WNT10B: variants seen among roughly 807,000 people sequenced by gnomAD.
WNT10B encodes the protein Wnt family member 10B.
A neutral mutation model predicts 32.7 loss-of-function variants in WNT10B; 26 were observed. That is an observed-to-expected ratio of 0.79 (90% confidence interval 0.58 to 1.10). WNT10B has a LOEUF of 1.10. WNT10B is among the 50% of genes least tolerant of loss of function. WNT10B has a pLI of 0.00. For missense variants in WNT10B, 474 were observed against 532.5 expected (o/e 0.89, Z 1.08); for synonymous variants, 204 against 220.4 (o/e 0.93, Z 0.66).
At chr12:48,969,842 A>T (rs1301766016) in intron 3 of WNT10B, among the ~76,000 whole-genome samples, 1 of 151,452 alleles carries the variant, frequency 6.6e-6, no homozygotes, top group Non-Finnish European at 1.5e-5. Context: ...GAGGCAGGAA[A>T]GGGGGGCCCT....
chr12:48,970,238 A>G lies in WNT10B; in HGVS notation c.188T>C (p.Leu63Pro). Reference sequence around the variant, plus strand: ...GGACGCCGTCACGTCGGGGTTGCGCAGGCACAGGCCTAGCTGCCGCTTGCT... The same window carrying G: ...GGACGCCGTCACGTCGGGGTTGCGCGGGCACAGGCCTAGCTGCCGCTTGCT... ...GLSKRQLGLCLRNPDVTASAL... is the reference protein window; with the variant it reads ...GLSKRQLGLCPRNPDVTASAL... The change falls in exon 3 of 5, where the codon CTG becomes CCG. Residue 63 changes from leucine to proline, a missense_variant. Transcript: ENST00000301061. The surrounding 1 kb of genome is among the most constrained non-coding windows in gnomAD (Gnocchi z 5.0). The G allele has an allele frequency of 6.2e-7, 1 of 1,609,808 alleles. No individual in the cohort carries two copies. The highest frequency in any genetic ancestry group is 8.5e-7 in the Non-Finnish European group (1 of 1,178,352).
rs150714190 is a variant in WNT10B at position 48,967,958 on chromosome 12, C to T, written c.699G>A (p.Arg233=). 3 of 1,614,096 alleles carry T rather than the reference C, an allele frequency of 1.9e-6. No homozygotes were observed. The highest frequency in any genetic ancestry group is 2.5e-6 in the Non-Finnish European group (3 of 1,180,052). Residue 233 remains arginine (R), a synonymous_variant, in exon 4 of 5, where the codon AGG becomes AGA. Coordinates refer to ENST00000301061, the MANE Select transcript of WNT10B (RefSeq NM_003394.4). ...TGTACACACATACCTGGCGCCCCAC[C>T]CTGTTGTTGTGGATTCGCATTCGTG... ...IQARMRIHNN[R]VGRQVVTENL...
At position 48,970,371 on chromosome 12, in the gene WNT10B, C is replaced by G; in HGVS notation, c.75-20G>C. 2 of 1,614,126 alleles carry G rather than the reference C, an allele frequency of 1.2e-6. No homozygotes were observed. Among genetic ancestry groups the G allele is most frequent in the South Asian group, 2.2e-5 (2 of 91,090 alleles). On this transcript the variant is annotated intron_variant, in intron 2 of 4. Coordinates refer to ENST00000301061, the MANE Select transcript of WNT10B (RefSeq NM_003394.4). This position sits in a 1 kb window ranked among gnomAD's most constrained non-coding sequence, Gnocchi z 5.0. ...AGAGCCCTGGGAACCAAGAAGGCGT[C>G]TGGGGTCTGCGGTCCAGACCCCTCC...
chr12:48,967,908 A>G, intron 4 of WNT10B, 38 bp downstream of exon 4: 2 of 1,609,618 alleles, frequency 1.2e-6, no homozygotes, highest in Non-Finnish European at 1.7e-6. Context: ...CCAGGCCTCA[A>G]AAGCTGGGGA....
Position 48,966,469 on chromosome 12 carries a change from G to T in WNT10B, c.796C>A (p.Pro266Thr). ...CQFKTCWRAA[P>T]EFRAVGAALR... is the part of the protein sequence containing the mutation. ...GCCGCCCCCACTGCCCGGAACTCTG[G>T]GGCCGCCCTCCAGCATGTCTTGAAC... The change falls in exon 5 of 5, where the codon CCA becomes ACA. Residue 266 changes from proline (P) to threonine (T), a missense_variant. Physicochemically the swap from Pro to Thr is conservative, Grantham distance 38. Coordinates refer to ENST00000301061, the MANE Select transcript of WNT10B (RefSeq NM_003394.4). The T allele has an allele frequency of 6.2e-7, 1 of 1,614,092 alleles. No individual in the cohort carries two copies. The highest frequency in any genetic ancestry group is 8.5e-7 in the Non-Finnish European group (1 of 1,180,038).
At position 48,970,202 on chromosome 12, in the gene WNT10B, C is replaced by T. The variant is rs1260089406; in HGVS notation, c.224G>A (p.Gly75Asp). The change falls in exon 3 of 5, where the codon GGT (glycine) becomes GAT (aspartate). Residue 75 changes from glycine (G) to aspartate (D), a missense_variant. Physicochemically the swap from Gly to Asp is moderately conservative, Grantham distance 94. Transcript: ENST00000301061. The surrounding 1 kb of genome is among the most constrained non-coding windows in gnomAD (Gnocchi z 5.0). ...ACACTCGTGGACCGCGATGTGCAGA[C>T]CCTGAAGCGCGGACGCCGTCACGTC... ...NPDVTASALQ[G>D]LHIAVHECQH... 6.3e-7 allele frequency: 1 copy of T among 1,588,844 alleles called. No individual in the cohort carries two copies. The highest frequency in any genetic ancestry group is 1.1e-5 in the South Asian group (1 of 87,986).
rs1473257897 is a variant in WNT10B at position 48,965,555 on chromosome 12, A to T, written c.*540T>A. 6 of 155,080 alleles carry T rather than the reference A, an allele frequency of 3.9e-5. No individual in the cohort carries two copies. Among genetic ancestry groups the T allele is most frequent in the Non-Finnish European group, 8.6e-5 (6 of 69,634 alleles). The allele number at this position is 155,080 out of a possible 1,614,324, so 9.6% of individuals were successfully genotyped here. A position where few individuals can be genotyped will look rare whatever the true frequency, so the allele number is the denominator to read the frequency against. On this transcript the variant is annotated 3_prime_UTR_variant, in exon 5 of 5. Coordinates refer to ENST00000301061, the MANE Select transcript of WNT10B (RefSeq NM_003394.4). Reference sequence around the variant, plus strand: ...AGACAACTCTCTGAGGATTCAGGGGAGAGTGCCCCTCAGCACTCTGTCTCT... The same window carrying T: ...AGACAACTCTCTGAGGATTCAGGGGTGAGTGCCCCTCAGCACTCTGTCTCT...
chr12:48,971,696 G>C lies in WNT10B; in HGVS notation c.-282C>G, dbSNP rs913193226. 2.6e-5 allele frequency: 4 copies of C among 152,120 alleles called. No individual in the cohort carries two copies. The highest frequency in any genetic ancestry group is 9.7e-5 in the African/African-American group (4 of 41,384). The allele number at this position is 152,120 out of a possible 1,614,324, so 9.4% of individuals were successfully genotyped here. A position where few individuals can be genotyped will look rare whatever the true frequency, so the allele number is the denominator to read the frequency against. On this transcript the variant is annotated 5_prime_UTR_variant, in exon 1 of 5. Coordinates refer to ENST00000301061, the MANE Select transcript of WNT10B (RefSeq NM_003394.4). ...TAGCAAGCCGGCGAGCAAAGGACTG[G>C]GGGCTCTGGCTTTGCTCTCACCGAG...
Position 48,971,583 on chromosome 12 carries a change from C to G in WNT10B, c.-169G>C, listed in dbSNP as rs1159635463. The G allele has an allele frequency of 3.3e-5, 5 of 152,426 alleles. No homozygotes were observed. The highest frequency in any genetic ancestry group is 7.3e-5 in the Non-Finnish European group (5 of 68,332). 9.4% of individuals were successfully genotyped at this position (152,426 alleles called of 1,614,324 possible). A position where few individuals can be genotyped will look rare whatever the true frequency, so the allele number is the denominator to read the frequency against. On this transcript the variant is annotated 5_prime_UTR_variant, in exon 1 of 5. Transcript: ENST00000301061. The stretch of plus-strand genomic sequence containing the variant: ...TTGTCAGAGCCGCATTCTTCCAGGG[C>G]CGGGCCACTCCTCTTCACCGCTTCC...
In WNT10B at chr12:48,970,367, G is replaced by C. The variant is rs184390483; in HGVS notation, c.75-16C>G. ...GCTTAGAGCCCTGGGAACCAAGAAG[G>C]CGTCTGGGGTCTGCGGTCCAGACCC... is the stretch of plus-strand genomic sequence containing the variant. On this transcript the variant is annotated splice_polypyrimidine_tract_variant and intron_variant, in intron 2 of 4. Transcript: ENST00000301061. This position sits in a 1 kb window ranked among gnomAD's most constrained non-coding sequence, Gnocchi z 5.0. The C allele has an allele frequency of 3.1e-6, 5 of 1,614,122 alleles. No individual in the cohort carries two copies. The highest frequency in any genetic ancestry group is 2.7e-5 in the African/African-American group (2 of 75,072).
At chr12:48,971,081 C>A (rs1396502279) in intron 1 of WNT10B, among the ~76,000 whole-genome samples, 1 of 152,166 alleles carries the variant, frequency 6.6e-6, no homozygotes, top group African/African-American at 2.4e-5. Flanking sequence ...ACTGCCCCCT[C>A]CCTGAGCAGC....
rs1660959380 is a variant in WNT10B at position 48,965,768 on chromosome 12, C to G, written c.*327G>C. On this transcript the variant is annotated 3_prime_UTR_variant, in exon 5 of 5. Transcript: ENST00000301061. ...GGAGTGGTGAAACTATAGGGACTCC[C>G]CAGCCAAAAGGAGTATGAATCAGGG... The G allele has an allele frequency of 2.9e-6, 1 of 348,098 alleles. No homozygotes were observed. Among genetic ancestry groups the G allele is most frequent in the African/African-American group, 2.1e-5 (1 of 48,254 alleles). The allele number at this position is 348,098 out of a possible 1,614,324, so 21.6% of individuals were successfully genotyped here.
chr12:48,967,328 G>C (rs1940754518), intron 4 of WNT10B, among the ~76,000 whole-genome samples: 2 of 152,088 alleles, frequency 1.3e-5, no homozygotes, highest in Admixed American at 1.3e-4. Context: ...ACCATGCCCG[G>C]GTAATTTTTT....
At chr12:48,971,194 C>T (rs1385838256) in intron 1 of WNT10B, among the ~76,000 whole-genome samples, 1 of 152,206 alleles carries the variant, frequency 6.6e-6, no homozygotes, top group Non-Finnish European at 1.5e-5. Flanking sequence ...CCCTATCCCC[C>T]ACCTTGCCTA....
rs537166099 is a variant in WNT10B at position 48,967,700 on chromosome 12, C to G, written c.711+246G>C. Among the ~76,000 whole-genome samples, 14 of 152,312 alleles carry G rather than the reference C, an allele frequency of 9.2e-5. No individual in the cohort carries two copies. In the East Asian group the frequency reaches 1.9e-3, roughly 21 times the overall value. On this transcript the variant is annotated intron_variant, in intron 4 of 4. Coordinates refer to ENST00000301061, the MANE Select transcript of WNT10B (RefSeq NM_003394.4). ...CTCCTGGCCTCAAGCAATCCTCCCC[C>G]CTCAGCCTCCAAAAGTGCTGAAATT...
At position 48,968,147 on chromosome 12, in the gene WNT10B, G is replaced by C. The variant is rs758710177; in HGVS notation, c.510C>G (p.Gly170=). Residue 170 remains glycine (G), a synonymous_variant, in exon 4 of 5, where the codon GGC becomes GGG. Transcript: ENST00000301061. ...KLLQLQALSR[G]KSFPHSLPSP... The stretch of plus-strand genomic sequence containing the variant: ...TGGGCAGAGAGTGGGGGAAACTCTT[G>C]CCTCGGGACAGTGCCTGCAGCTGCA... 6 of 1,614,240 alleles carry C rather than the reference G, an allele frequency of 3.7e-6. No homozygotes were observed. Among genetic ancestry groups the C allele is most frequent in the Non-Finnish European group, 5.1e-6 (6 of 1,180,048 alleles).
rs1212941115 is a variant in WNT10B at position 48,970,132 on chromosome 12, C to T, written c.294G>A (p.Glu98=). The T allele has an allele frequency of 6.5e-7, 1 of 1,532,784 alleles. No homozygotes were observed. Among genetic ancestry groups the T allele is most frequent in the South Asian group, 1.2e-5 (1 of 83,990 alleles). The allele number at this position is 1,532,784 out of a possible 1,614,324, so 94.9% of individuals were successfully genotyped here. A position where few individuals can be genotyped will look rare whatever the true frequency, so the allele number is the denominator to read the frequency against. The stretch of plus-strand genomic sequence containing the variant: ...TGTGGTGCGGCAGGCGGCCGCCGCC[C>T]TCAAGCGCGGAGCAGTTCCAGCGCT... ...RDQRWNCSAL[E]GGGRLPHHSA... Residue 98 remains glutamate, a synonymous_variant, in exon 3 of 5, where the codon GAG becomes GAA. Coordinates refer to ENST00000301061, the MANE Select transcript of WNT10B (RefSeq NM_003394.4). This position sits in a 1 kb window ranked among gnomAD's most constrained non-coding sequence, Gnocchi z 5.0.
intron 4 of WNT10B, 58 bp from the exon 5 acceptor site, chr12:48,966,611 A>T: frequency 6.3e-7 from 1 of 1,587,364 alleles, no homozygotes; most frequent in Non-Finnish European, 8.6e-7. Context: ...CAGAACACAG[A>T]GGCACAGGAG....
Position 48,970,098 on chromosome 12 carries a change from G to C in WNT10B, c.328C>G (p.Leu110Val). The change falls in exon 3 of 5, where the codon CTC (leucine) becomes GTC (valine). Residue 110 changes from leucine (L) to valine (V), a missense_variant. Coordinates refer to ENST00000301061, the MANE Select transcript of WNT10B (RefSeq NM_003394.4). This position sits in a 1 kb window ranked among gnomAD's most constrained non-coding sequence, Gnocchi z 5.0. ...GCCCAGCCAGGCTCACCGCGCTTGAGGATGGCGCTGTGGTGCGGCAGGCGG... is the reference window on the plus strand; with the variant it reads ...GCCCAGCCAGGCTCACCGCGCTTGACGATGGCGCTGTGGTGCGGCAGGCGG... ...GGRLPHHSAILKRGFRESAFS... is the reference protein window; with the variant it reads ...GGRLPHHSAIVKRGFRESAFS... 1 of 1,524,888 alleles carries C rather than the reference G, an allele frequency of 6.6e-7. No individual in the cohort carries two copies. The highest frequency in any genetic ancestry group is 2.5e-5 in the East Asian group (1 of 40,530). 94.5% of individuals were successfully genotyped at this position (1,524,888 alleles called of 1,614,324 possible).
Sources: gnomAD v4.1 joint callset for allele counts (sites outside exome capture counted in the v4.1 genomes callset) on GRCh38, gnomAD v4.1.1 for gene constraint, Gnocchi (gnomAD v3.1) non-coding constraint, MANE v1.5 for transcripts, NCBI Gene and HGNC (gene_info 2026-07-23, HGNC 2026-07-21) for gene names.